CYP4X1: variants seen among roughly 807,000 people sequenced by gnomAD.
CYP4X1 encodes the protein cytochrome P450 4X1.
A neutral mutation model predicts 57.9 loss-of-function variants in CYP4X1; 44 were observed. That is an observed-to-expected ratio of 0.76 (90% CI 0.60 to 0.98). CYP4X1 has a LOEUF of 0.98. CYP4X1 is among the 50% of genes least tolerant of loss of function. CYP4X1 has a pLI of 0.00. For synonymous variants in CYP4X1, 227 were observed against 228.6 expected, an observed-to-expected ratio of 0.99 and a Z score of 0.06; for missense variants, 532 against 623.9, an observed-to-expected ratio of 0.85 and a Z score of 1.57.
chr1:46,965,619 G>A, the CYP4X1 span, among the ~76,000 whole-genome samples: 1 of 152,240 alleles, frequency 6.6e-6, no homozygotes. Context: ...GGGGTACTGA[G>A]TTGTTGCTGG....
chr1:46,968,814 A>G, the CYP4X1 span, among the ~76,000 whole-genome samples: 1 of 152,202 alleles, frequency 6.6e-6, no homozygotes, highest in Non-Finnish European at 1.5e-5. Flanking sequence ...AGTGCCTTGT[A>G]TCTTTGTTTT....
upstream of CYP4X1, among the ~76,000 whole-genome samples, chr1:47,023,042 C>A (rs1644015580): frequency 6.6e-6 from 1 of 152,148 alleles, no homozygotes; most frequent in Non-Finnish European, 1.5e-5. Flanking sequence ...GGCATGAGAC[C>A]CAAGCAGCCA....
the CYP4X1 span, chr1:46,961,491 A>T: frequency 1.8e-6 from 2 of 1,133,206 alleles, no homozygotes; most frequent in Non-Finnish European, 2.2e-6. Flanking sequence ...CTTCCAGAAC[A>T]TTTGAGCCCA....
the CYP4X1 span, among the ~76,000 whole-genome samples, chr1:46,984,192 C>G: frequency 1.3e-5 from 2 of 151,922 alleles, no homozygotes; most frequent in African/African-American, 4.8e-5. Context: ...AATGTGAGTC[C>G]TGGGGGCTCT....
At chr1:47,054,168 A>G (rs1293818229), downstream of CYP4X1, among the ~76,000 whole-genome samples, 1 of 151,532 alleles carries the variant, frequency 6.6e-6, no homozygotes, top group Non-Finnish European at 1.5e-5. Flanking sequence ...CCGTTTATTA[A>G]ATAGGGAATT....
At chr1:46,989,590 C>A in the CYP4X1 span, among the ~76,000 whole-genome samples, 1 of 152,336 alleles carries the variant, frequency 6.6e-6, no homozygotes, top group South Asian at 2.1e-4. Context: ...CCCACATAGA[C>A]AAGACAATCA....
At chr1:46,998,390 G>T in the CYP4X1 span, among the ~76,000 whole-genome samples, 2 of 152,088 alleles carry the variant, frequency 1.3e-5, no homozygotes, top group Admixed American at 1.3e-4. Flanking sequence ...GCCTAGGCTG[G>T]TCTCAAATTC....
At chr1:47,022,083 T>C (rs1644003325), upstream of CYP4X1, among the ~76,000 whole-genome samples, 1 of 151,992 alleles carries the variant, frequency 6.6e-6, no homozygotes, top group Non-Finnish European at 1.5e-5. Flanking sequence ...ATGCCATGAG[T>C]TACCCAGAAG....
At chr1:47,010,765 T>A in the CYP4X1 span, among the ~76,000 whole-genome samples, 1 of 151,776 alleles carries the variant, frequency 6.6e-6, no homozygotes, top group Admixed American at 6.6e-5. Flanking sequence ...TATACACCAA[T>A]AACAGACAGA....
chr1:46,978,023 G>T, the CYP4X1 span, among the ~76,000 whole-genome samples: 1 of 152,078 alleles, frequency 6.6e-6, no homozygotes, highest in South Asian at 2.1e-4. Flanking sequence ...GCAAAAACAT[G>T]CCAGATTGTA....
upstream of CYP4X1, among the ~76,000 whole-genome samples, chr1:47,019,564 G>T (rs1239253760): frequency 6.6e-6 from 1 of 152,180 alleles, no homozygotes; most frequent in East Asian, 1.9e-4. Flanking sequence ...GCCTGTATTA[G>T]TGAGACCTGG....
the CYP4X1 span, among the ~76,000 whole-genome samples, chr1:46,980,660 C>A: frequency 1.3e-5 from 2 of 152,170 alleles, no homozygotes; most frequent in South Asian, 4.2e-4. Flanking sequence ...AAAAAAGAGC[C>A]CATATTGCCA....
the CYP4X1 span, among the ~76,000 whole-genome samples, chr1:47,016,430 C>T: frequency 6.6e-6 from 1 of 151,996 alleles, no homozygotes; most frequent in South Asian, 2.1e-4. Context: ...CAAGCTCCAC[C>T]TCCCAGGTTC....
the CYP4X1 span, among the ~76,000 whole-genome samples, chr1:47,011,159 A>G: frequency 6.6e-6 from 1 of 152,228 alleles, no homozygotes. Context: ...TTCAAGCTAT[A>G]CTACAAGGCT....
chr1:46,987,654 T>A, the CYP4X1 span, among the ~76,000 whole-genome samples: 1 of 152,122 alleles, frequency 6.6e-6, no homozygotes, highest in Non-Finnish European at 1.5e-5. Context: ...CCTCAGCAAA[T>A]GCAAAAGAAC....
chr1:47,025,004 G>A (rs1487349242), intron 1 of CYP4X1, among the ~76,000 whole-genome samples: 3 of 152,042 alleles, frequency 2.0e-5, no homozygotes, highest in Non-Finnish European at 2.9e-5. Flanking sequence ...AATAAGTTTA[G>A]ACATCTGCTG....
the CYP4X1 span, among the ~76,000 whole-genome samples, chr1:46,983,246 C>T: frequency 6.6e-6 from 1 of 152,170 alleles, no homozygotes; most frequent in Admixed American, 6.5e-5. Flanking sequence ...CACAGAGAGA[C>T]ATAGAGCCGG....
chr1:47,050,202 T>C lies in CYP4X1; in HGVS notation c.*28T>C, dbSNP rs1319830060. The C allele has an allele frequency of 3.7e-6, 6 of 1,611,330 alleles. No individual in the cohort carries two copies. The highest frequency in any genetic ancestry group is 2.7e-5 in the African/African-American group (2 of 74,736). The stretch of plus-strand genomic sequence containing the variant: ...CTCAGGGTACAATGATTAAACGTAC[T>C]TTGTTTTTCGAAGTTAAATTTACAG... On this transcript the variant is annotated 3_prime_UTR_variant, in exon 12 of 12. Transcript: ENST00000371901.
chr1:46,967,770 C>T, the CYP4X1 span: 546 of 1,344,740 alleles, frequency 4.1e-4, 6 homozygotes, highest in African/African-American at 6.6e-3. Flanking sequence ...GTATGCCGAC[C>T]GGGATCCTGG....
Sources: allele counts gnomAD v4.1 joint callset (sites outside exome capture counted in the v4.1 genomes callset), GRCh38; gene constraint gnomAD v4.1.1; transcripts MANE v1.5; gene names NCBI Gene and HGNC (gene_info 2026-07-23, HGNC 2026-07-21).